SNX29: variants seen among roughly 807,000 people sequenced by gnomAD.
SNX29 encodes sorting nexin 29, also known as sorting nexin-29.
A neutral mutation model predicts 102.1 loss-of-function variants in SNX29; 78 were observed. The observed-to-expected ratio is 0.76, with a 90% CI of 0.64 to 0.92. The LOEUF is 0.92. Among genes scored for constraint, SNX29 ranks in the 40% least tolerant of loss-of-function variants. The probability of loss-of-function intolerance (pLI) is 0.00; values close to 1 mark genes in which losing one functional copy is unlikely to be tolerated. For synonymous variants in SNX29, 580 were observed against 414.5 expected (o/e 1.40, Z -4.85); for missense variants, 1,280 against 1,061.7 (o/e 1.21, Z -2.86).
intron 13 of SNX29, among the ~76,000 whole-genome samples, chr16:12,135,365 C>G (rs2054621403): frequency 6.6e-6 from 1 of 152,250 alleles, no homozygotes; most frequent in Non-Finnish European, 1.5e-5. Context: ...TTTGATGGGG[C>G]TGTCCCTGCC....
intron 13 of SNX29, among the ~76,000 whole-genome samples, chr16:12,182,067 G>C (rs1365490959): frequency 6.6e-6 from 1 of 151,906 alleles, no homozygotes; most frequent in Admixed American, 6.6e-5. Flanking sequence ...TGTATTTTTA[G>C]TAGAGATGGG....
At chr16:12,450,512 C>A (rs77722652) in intron 18 of SNX29, among the ~76,000 whole-genome samples, 1,527 of 152,296 alleles carry the variant, frequency 0.01, 16 homozygotes, top group Non-Finnish European at 0.013. Flanking sequence ...ATTCCTGAAC[C>A]GCTTGCTGTG....
At chr16:12,269,079 A>C (rs2079017325) in intron 14 of SNX29, among the ~76,000 whole-genome samples, 3 of 152,230 alleles carry the variant, frequency 2.0e-5, no homozygotes, top group Admixed American at 6.5e-5. Context: ...AAATGTCTAT[A>C]TACTTCTACC....
At chr16:12,562,875 AT>A (rs1017505995) in intron 20 of SNX29, among the ~76,000 whole-genome samples, 3 of 152,120 alleles carry the variant, frequency 2.0e-5, no homozygotes, top group Admixed American at 1.3e-4. Context: ...GTGCTTTGTC[AT>A]TTCTAGTTTT....
intron 9 of SNX29, among the ~76,000 whole-genome samples, chr16:12,062,488 G>C (rs572528596): frequency 6.6e-6 from 1 of 152,154 alleles, no homozygotes; most frequent in African/African-American, 2.4e-5. Context: ...CGTGTGGTTT[G>C]TTATTGTTTT....
intron 18 of SNX29, among the ~76,000 whole-genome samples, chr16:12,421,608 G>C (rs2084873733): frequency 6.6e-6 from 1 of 152,184 alleles, no homozygotes. Context: ...GGTAAAGAAT[G>C]GAGAGAACTT....
intron 15 of SNX29, among the ~76,000 whole-genome samples, chr16:12,343,693 G>A (rs549101196): frequency 2.6e-5 from 4 of 151,518 alleles, no homozygotes; most frequent in East Asian, 1.9e-4. Context: ...AGATCCCCAC[G>A]AGATAGGGAG....
At chr16:11,983,773 A>G in intron 1 of SNX29, 1 of 910,930 alleles carries the variant, frequency 1.1e-6, no homozygotes, top group Non-Finnish European at 1.3e-6. Context: ...CCAAGATTTT[A>G]TAGATTTCTC....
At chr16:12,310,942 A>C (rs1184463384) in intron 15 of SNX29, among the ~76,000 whole-genome samples, 1 of 152,204 alleles carries the variant, frequency 6.6e-6, no homozygotes, top group Non-Finnish European at 1.5e-5. Flanking sequence ...CCCACAGGGG[A>C]GGTTTGTTCT....
In SNX29 at chr16:12,147,136, C is replaced by T. The variant is rs142295382; in HGVS notation, c.1595+17378C>T. On this transcript the variant is annotated intron_variant, in intron 13 of 20. Coordinates refer to ENST00000566228, the MANE Select transcript of SNX29 (RefSeq NM_032167.5). ...GCATGAACATCTGTGTTTTGAAGCG[C>T]GTGCCCGCGTTGAATGGTTGAGCGT... Among the ~76,000 whole-genome samples, 170 of 152,354 alleles carry T rather than the reference C, an allele frequency of 1.1e-3. 1 individual carries two copies. In the East Asian group the frequency reaches 0.024, roughly 22 times the overall value.
Position 12,572,798 on chromosome 16 carries a change from T to TACATCA in SNX29, c.*4170_*4175dup. ...CCCCACCTCACTCCTCCTTCCCCAG[T>TACATCA]ACATCAGACTGGTTAGGAGGCATCC... On this transcript the variant is annotated 3_prime_UTR_variant, in exon 21 of 21. Coordinates refer to ENST00000566228, the MANE Select transcript of SNX29 (RefSeq NM_032167.5). 1 of 1,063,588 alleles carries TACATCA rather than the reference T, an allele frequency of 9.4e-7. No homozygotes were observed. The highest frequency in any genetic ancestry group is 1.1e-6 in the Non-Finnish European group (1 of 878,186). The allele number at this position is 1,063,588 out of a possible 1,614,324, so 65.9% of individuals were successfully genotyped here.
At chr16:12,467,588 G>GTTCGTTCA (rs1448018227) in intron 18 of SNX29, among the ~76,000 whole-genome samples, 3 of 151,604 alleles carry the variant, frequency 2.0e-5, no homozygotes, top group African/African-American at 7.3e-5. Context: ...ACTCTGACCT[G>GTTCGTTCA]TTCGTTCATT....
rs965386707 is a variant in SNX29 at position 12,571,631 on chromosome 16, T to TC, written c.*3007dup. On this transcript the variant is annotated 3_prime_UTR_variant, in exon 21 of 21. Transcript: ENST00000566228. The stretch of plus-strand genomic sequence containing the variant: ...GTTCCATCTTTCACATCTTTTTTTC[T>TC]CCCCCAGATGAAAGACGACTCAGGA... The TC allele has an allele frequency of 2.6e-5, 28 of 1,058,126 alleles. No individual in the cohort carries two copies. The highest frequency in any genetic ancestry group is 5.4e-5 in the Admixed American group (1 of 18,448). 65.5% of individuals were successfully genotyped at this position (1,058,126 alleles called of 1,614,324 possible).
chr16:11,992,626 G>T (rs948617826), intron 1 of SNX29, among the ~76,000 whole-genome samples: 1 of 152,200 alleles, frequency 6.6e-6, no homozygotes, highest in East Asian at 1.9e-4. Context: ...ACAGTGTGGT[G>T]TGTGGAAGGA....
intron 10 of SNX29, among the ~76,000 whole-genome samples, chr16:12,071,287 G>T (rs938017945): frequency 2.5e-4 from 38 of 152,310 alleles, no homozygotes; most frequent in Admixed American, 1.9e-3. Flanking sequence ...TTCTTATAGG[G>T]TTTTTATGGT....
chr16:12,172,684 A>G (rs1236453153), intron 13 of SNX29, among the ~76,000 whole-genome samples: 1 of 152,242 alleles, frequency 6.6e-6, no homozygotes, highest in Non-Finnish European at 1.5e-5. Context: ...ATTGTCATTA[A>G]CATGATATTA....
chr16:12,397,052 A>T (rs2083749105), intron 16 of SNX29, among the ~76,000 whole-genome samples: 1 of 152,224 alleles, frequency 6.6e-6, no homozygotes, highest in Admixed American at 6.5e-5. Context: ...TGCCTGGCTA[A>T]TGTTTTTTTC....
chr16:12,325,368 T>C (rs1035048973), intron 15 of SNX29, among the ~76,000 whole-genome samples: 4 of 152,210 alleles, frequency 2.6e-5, no homozygotes, highest in African/African-American at 9.6e-5. Context: ...AGGTTTCCTT[T>C]GCGAAAATTA....
At chr16:12,537,984 CAAAAAAAA>C (rs33931845) in intron 20 of SNX29, among the ~76,000 whole-genome samples, 7 of 128,054 alleles carry the variant, frequency 5.5e-5, no homozygotes, top group Admixed American at 2.4e-4. Flanking sequence ...AACTCCGTTT[CAAAAAAAA>C]AAAAAAAAAA....
Sources: gnomAD v4.1 joint callset for allele counts (sites outside exome capture counted in the v4.1 genomes callset) on GRCh38, gnomAD v4.1.1 for gene constraint, MANE v1.5 for transcripts, NCBI Gene and HGNC (gene_info 2026-07-23, HGNC 2026-07-21) for gene names.